The following ATP10B variants were observed in gnomAD, a reference collection of about 807,000 sequenced individuals.
The protein encoded by ATP10B is phospholipid-transporting ATPase VB.
In ATP10B, 122 loss-of-function variants were observed where a neutral mutation model predicts 141.2. The observed-to-expected ratio is 0.86, with a 90% CI of 0.75 to 1.00. The LOEUF is 1.00. Ranked by LOEUF, ATP10B falls within the 50% of genes least tolerant of loss-of-function variation. The probability of loss-of-function intolerance (pLI) is 0.00; values close to 1 mark genes in which losing one functional copy is unlikely to be tolerated. For synonymous variants in ATP10B, 685 were observed against 692.0 expected (o/e 0.99, Z 0.16); for missense variants, 1,876 against 1,825.3 (o/e 1.03, Z -0.51).
intron 1 of ATP10B, among the ~76,000 whole-genome samples, chr5:160,829,850 TG>T (rs753766788): frequency 3.3e-5 from 5 of 152,174 alleles, no homozygotes; most frequent in Non-Finnish European, 5.9e-5. Context: ...AGTTGCCTTC[TG>T]GGGGAGTCCT....
chr5:160,796,482 A>G (rs894201870), intron 1 of ATP10B, among the ~76,000 whole-genome samples: 4 of 152,084 alleles, frequency 2.6e-5, no homozygotes, highest in Non-Finnish European at 5.9e-5. Context: ...CTATCTCTCA[A>G]CCTTCAAAAA....
the ATP10B span, among the ~76,000 whole-genome samples, chr5:160,860,249 T>C: frequency 6.6e-6 from 1 of 151,920 alleles, no homozygotes; most frequent in South Asian, 2.1e-4. Flanking sequence ...TGTACAAATG[T>C]ATAAAGTAGT....
At chr5:160,923,389 A>G in the ATP10B span, among the ~76,000 whole-genome samples, 1 of 152,076 alleles carries the variant, frequency 6.6e-6, no homozygotes, top group African/African-American at 2.4e-5. Context: ...AACCTTACCA[A>G]CCTTAGTTTT....
Position 160,737,440 on chromosome 5 carries a change from A to T in ATP10B, c.-330-20406T>A, listed in dbSNP as rs527474958. Among the ~76,000 whole-genome samples, 8 of 152,312 alleles carry T rather than the reference A, an allele frequency of 5.3e-5. No homozygotes were observed. In the South Asian group the frequency reaches 6.2e-4, roughly 12 times the overall value. On this transcript the variant is annotated intron_variant, in intron 2 of 25. Coordinates refer to ENST00000327245, the MANE Select transcript of ATP10B (RefSeq NM_025153.3). The stretch of plus-strand genomic sequence containing the variant: ...CAGAAAAAGCAATAAAAGACATCCA[A>T]ACTGGAATGGAAGAAGCTAAATTAC...
chr5:160,849,325 C>A (rs1247888520), intron 1 of ATP10B, among the ~76,000 whole-genome samples: 2 of 152,108 alleles, frequency 1.3e-5, no homozygotes, highest in Non-Finnish European at 2.9e-5. Context: ...CATACCAGAG[C>A]GACCTGCAAA....
chr5:160,687,862 G>C lies in ATP10B; in HGVS notation c.213C>G (p.Thr71=). 1.2e-6 allele frequency: 2 copies of C among 1,614,172 alleles called. No individual in the cohort carries two copies. The highest frequency in any genetic ancestry group is 1.7e-5 in the Admixed American group (1 of 60,022). Residue 71 remains threonine, a synonymous_variant, in exon 5 of 26, where the codon ACC becomes ACG. Coordinates refer to ENST00000327245, the MANE Select transcript of ATP10B (RefSeq NM_025153.3). ...EVSRRYPGNR[T]CTTKYTLFTF... Reference sequence around the variant, plus strand: ...TGAAGAGGGTGTATTTGGTTGTGCAGGTTCTGTTGCCAGGGTATCTCCTGG... The same window carrying C: ...TGAAGAGGGTGTATTTGGTTGTGCACGTTCTGTTGCCAGGGTATCTCCTGG...
chr5:160,805,091 G>A (rs1046380892), intron 1 of ATP10B, among the ~76,000 whole-genome samples: 5 of 152,324 alleles, frequency 3.3e-5, no homozygotes, highest in South Asian at 2.1e-4. Context: ...AATTTGTGAC[G>A]TGTTTAGAAT....
chr5:160,629,058 C>G (rs1237011029), intron 13 of ATP10B, among the ~76,000 whole-genome samples: 1 of 152,134 alleles, frequency 6.6e-6, no homozygotes, highest in East Asian at 1.9e-4. Flanking sequence ...AGAATGCTCC[C>G]TGGAGGTTTC....
the ATP10B span, among the ~76,000 whole-genome samples, chr5:160,880,294 A>T: frequency 1.8e-4 from 27 of 149,424 alleles, no homozygotes; most frequent in African/African-American, 6.6e-4. Flanking sequence ...TGATGAAAGA[A>T]ATCAAAGGAA....
chr5:160,889,076 T>C, the ATP10B span, among the ~76,000 whole-genome samples: 1 of 152,040 alleles, frequency 6.6e-6, no homozygotes, highest in Non-Finnish European at 1.5e-5. Flanking sequence ...CTTAATATGA[T>C]GGGGAACTAG....
chr5:160,645,541 A>G (rs1189878835), intron 8 of ATP10B, among the ~76,000 whole-genome samples: 1 of 152,198 alleles, frequency 6.6e-6, no homozygotes, highest in African/African-American at 2.4e-5. Flanking sequence ...GGCAGATCCT[A>G]AAAGTAGAGA....
chr5:160,791,061 T>C (rs2127908046), intron 1 of ATP10B, among the ~76,000 whole-genome samples: 1 of 152,098 alleles, frequency 6.6e-6, no homozygotes, highest in South Asian at 2.1e-4. Context: ...AGACCTCAGG[T>C]GAAAGCAAGA....
chr5:160,593,810 G>T (rs1049719263), intron 22 of ATP10B, among the ~76,000 whole-genome samples: 6 of 151,760 alleles, frequency 4.0e-5, no homozygotes, highest in Non-Finnish European at 8.9e-5. Flanking sequence ...TGAATGAAAT[G>T]AAGTGAGAAG....
chr5:160,876,733 A>G, the ATP10B span, among the ~76,000 whole-genome samples: 680 of 151,754 alleles, frequency 4.5e-3, 19 homozygotes, highest in Admixed American at 0.04. Context: ...AATACAAACT[A>G]CCATCAGAGA....
chr5:160,566,789 C>A (rs1260737872), intron 25 of ATP10B, among the ~76,000 whole-genome samples: 2 of 152,192 alleles, frequency 1.3e-5, no homozygotes, highest in African/African-American at 2.4e-5. Flanking sequence ...GTTGCCTTAT[C>A]TGAAAAGTAA....
At chr5:160,719,514 C>T (rs551687539) in intron 2 of ATP10B, among the ~76,000 whole-genome samples, 88 of 152,268 alleles carry the variant, frequency 5.8e-4, no homozygotes, top group Non-Finnish European at 9.4e-4. Flanking sequence ...AGCACTGTGT[C>T]CATAGTAGTG....
chr5:160,854,902 G>C (rs1009804680), upstream of ATP10B, among the ~76,000 whole-genome samples: 6 of 152,108 alleles, frequency 3.9e-5, no homozygotes, highest in Non-Finnish European at 4.4e-5. Flanking sequence ...TTCTACGAGA[G>C]AGAAAATGTA....
chr5:160,608,668 C>T lies in ATP10B; in HGVS notation c.2839-1582G>A, dbSNP rs563866261. ...CTCATTGTGGTTTTGATTTATATTTCTCTGATGGCCAGTGATGATGAGCAT... is the reference window on the plus strand; with the variant it reads ...CTCATTGTGGTTTTGATTTATATTTTTCTGATGGCCAGTGATGATGAGCAT... On this transcript the variant is annotated intron_variant, in intron 18 of 25. Transcript: ENST00000327245. Among the ~76,000 whole-genome samples the T allele has an allele frequency of 8.5e-5, 13 of 152,296 alleles. No homozygotes were observed. In the South Asian group the frequency reaches 2.7e-3, roughly 32 times the overall value.
At position 160,688,840 on chromosome 5, in the gene ATP10B, A is replaced by C. The variant is rs1157656686; in HGVS notation, c.-101T>G. 3.0e-6 allele frequency: 3 copies of C among 985,310 alleles called. No homozygotes were observed. Among genetic ancestry groups the C allele is most frequent in the Non-Finnish European group, 3.6e-6 (3 of 829,940 alleles). 61.0% of individuals were successfully genotyped at this position (985,310 alleles called of 1,614,324 possible). A position where few individuals can be genotyped will look rare whatever the true frequency, so the allele number is the denominator to read the frequency against. ...TCCTAGGAAATTTGTCCATGAGGTG[A>C]CTGGGCTGTGCTACTGTCCAGTCAG... On this transcript the variant is annotated 5_prime_UTR_variant, in exon 4 of 26. Coordinates refer to ENST00000327245, the MANE Select transcript of ATP10B (RefSeq NM_025153.3).
Sources: allele counts gnomAD v4.1 joint callset (sites outside exome capture counted in the v4.1 genomes callset), GRCh38; gene constraint gnomAD v4.1.1; transcripts MANE v1.5; gene names NCBI Gene and HGNC (gene_info 2026-07-23, HGNC 2026-07-21).